Variants in GVQW3 observed in about 807,000 individuals in gnomAD.
GVQW3 encodes protein GVQW3.
A neutral mutation model predicts 12.5 loss-of-function variants in GVQW3; 7 were observed. That is an observed-to-expected ratio of 0.56 (90% confidence interval 0.32 to 1.05). GVQW3 has a LOEUF of 1.05. Among genes scored for constraint, GVQW3 ranks in the 50% least tolerant of loss-of-function variants. GVQW3 has a pLI of 0.04. For synonymous variants in GVQW3, 71 were observed against 67.2 expected (o/e 1.06, Z -0.28); for missense variants, 188 against 190.8 (o/e 0.99, Z 0.09).
chr11:76,400,102 A>G (rs919036903), intron 1 of GVQW3, among the ~76,000 whole-genome samples: 5 of 150,178 alleles, frequency 3.3e-5, no homozygotes, highest in Non-Finnish European at 7.4e-5. Flanking sequence ...ATAATGTTAA[A>G]TCTTTCTTTC....
Position 76,404,407 on chromosome 11 carries a change from A to G in GVQW3, c.*649A>G, listed in dbSNP as rs1232232485. ...CCAGGCATCTAAAAGGTAGCTCAGT[A>G]TCTCTGCCTTCTCTCCATTGTTAGC... is the stretch of plus-strand genomic sequence containing the variant. On this transcript the variant is annotated 3_prime_UTR_variant, in exon 2 of 2. Coordinates refer to ENST00000529331, the MANE Select transcript of GVQW3 (RefSeq NM_001347885.2). 4 of 160,422 alleles carry G rather than the reference A, an allele frequency of 2.5e-5. No homozygotes were observed. The highest frequency in any genetic ancestry group is 7.2e-5 in the African/African-American group (3 of 41,866). The allele number at this position is 160,422 out of a possible 1,614,324, so 9.9% of individuals were successfully genotyped here.
chr11:76,394,039 C>T (rs1946917714), intron 1 of GVQW3, among the ~76,000 whole-genome samples: 1 of 152,136 alleles, frequency 6.6e-6, no homozygotes, highest in Non-Finnish European at 1.5e-5. Context: ...GCTGGCATTA[C>T]AGGTGCACGC....
intron 1 of GVQW3, among the ~76,000 whole-genome samples, chr11:76,396,460 G>T (rs568880926): frequency 1.4e-4 from 22 of 152,182 alleles, no homozygotes; most frequent in African/African-American, 5.3e-4. Flanking sequence ...GACTGCAGGT[G>T]CCTGCCACCA....
At chr11:76,414,089 A>C (rs1369253328) in exon 2 of GVQW3, 2 of 152,068 alleles carry the variant, frequency 1.3e-5, no homozygotes, top group Non-Finnish European at 2.9e-5. Flanking sequence ...TCTCTGCTTT[A>C]TTTCTACCAT....
chr11:76,390,954 A>G (rs1343647003), intron 1 of GVQW3, among the ~76,000 whole-genome samples: 1 of 152,138 alleles, frequency 6.6e-6, no homozygotes, highest in African/African-American at 2.4e-5. Context: ...TACGTGCTCA[A>G]TAGAGAATAA....
In GVQW3 at chr11:76,403,756, T is replaced by C. The variant is rs996759445; in HGVS notation, c.562T>C (p.Ter188ArgextTer58). 1 of 532,530 alleles carries C rather than the reference T, an allele frequency of 1.9e-6. No individual in the cohort carries two copies. The highest frequency in any genetic ancestry group is 2.6e-5 in the South Asian group (1 of 39,214). The allele number at this position is 532,530 out of a possible 1,614,324, so 33.0% of individuals were successfully genotyped here. A position where few individuals can be genotyped will look rare whatever the true frequency, so the allele number is the denominator to read the frequency against. ...WPPKALGLSA[*>R] is the part of the protein sequence containing the mutation. ...TCCCAAAGCTCTGGGATTATCAGCA[T>C]GAGCCACCATGCCAAGCCAAAACCA... Residue 188 changes from the stop codon to arginine, a stop_lost, in exon 2 of 2, where the codon TGA becomes CGA. Transcript: ENST00000529331.
chr11:76,400,512 C>T (rs1481425220), intron 1 of GVQW3, among the ~76,000 whole-genome samples: 1 of 152,138 alleles, frequency 6.6e-6, no homozygotes, highest in African/African-American at 2.4e-5. Flanking sequence ...CCTCCGCCTC[C>T]TGGGTTCGAG....
intron 1 of GVQW3, among the ~76,000 whole-genome samples, chr11:76,402,423 C>T (rs1946998781): frequency 6.6e-6 from 1 of 151,458 alleles, no homozygotes; most frequent in Non-Finnish European, 1.5e-5. Flanking sequence ...TGTGGTGGTG[C>T]GTGCCTGTAA....
At chr11:76,391,059 C>T (rs1204821356) in intron 1 of GVQW3, among the ~76,000 whole-genome samples, 2 of 152,188 alleles carry the variant, frequency 1.3e-5, no homozygotes, top group Non-Finnish European at 2.9e-5. Flanking sequence ...GGCTTCCTAA[C>T]AGCTCCGGAA....
At chr11:76,400,139 T>G (rs59126372) in intron 1 of GVQW3, among the ~76,000 whole-genome samples, 5 of 151,766 alleles carry the variant, frequency 3.3e-5, no homozygotes, top group African/African-American at 1.2e-4. Context: ...TGAGATGGAG[T>G]TTCGCTCTTG....
chr11:76,394,114 G>A (rs1946918639), intron 1 of GVQW3, among the ~76,000 whole-genome samples: 1 of 152,142 alleles, frequency 6.6e-6, no homozygotes, highest in African/African-American at 2.4e-5. Flanking sequence ...GACCAGGCTG[G>A]TTTTGAACTT....
intron 1 of GVQW3, among the ~76,000 whole-genome samples, chr11:76,398,243 T>G (rs1230461602): frequency 6.6e-6 from 1 of 152,236 alleles, no homozygotes; most frequent in African/African-American, 2.4e-5. Context: ...GAGCTAGCTT[T>G]GGTGCCTCAC....
Position 76,384,667 on chromosome 11 carries a change from C to T in GVQW3, c.465+2374C>T, listed in dbSNP as rs150299370. Among the ~76,000 whole-genome samples, 55 of 152,284 alleles carry T rather than the reference C, an allele frequency of 3.6e-4. 2 individuals are homozygous for T. Among genetic ancestry groups the T allele is most frequent in the African/African-American group, 1.3e-3 (53 of 41,552 alleles). ...ACACCTTGAAAGCTAGACGTTGTCC[C>T]ACAAAGAGAAGATACTGTGTAAGAA... is the stretch of plus-strand genomic sequence containing the variant. On this transcript the variant is annotated intron_variant, in intron 1 of 1. Coordinates refer to ENST00000529331, the MANE Select transcript of GVQW3 (RefSeq NM_001347885.2).
chr11:76,412,891 C>G (rs919403978), downstream of GVQW3: 1 of 152,228 alleles, frequency 6.6e-6, no homozygotes, highest in East Asian at 1.9e-4. Flanking sequence ...TCCTTCCCCC[C>G]TCATCCAAAA....
chr11:76,390,137 C>G (rs1408593342), intron 1 of GVQW3: 2 of 152,124 alleles, frequency 1.3e-5, no homozygotes, highest in East Asian at 3.8e-4. Flanking sequence ...TGTTAAAGGT[C>G]TCCTCAGTGA....
At position 76,382,198 on chromosome 11, in the gene GVQW3, G is replaced by T. The variant is rs199638364; in HGVS notation, c.370G>T (p.Gly124Cys). The T allele has an allele frequency of 6.5e-7, 1 of 1,536,032 alleles. No individual in the cohort carries two copies. Among genetic ancestry groups the T allele is most frequent in the Admixed American group, 2.0e-5 (1 of 50,978 alleles). ...MRKISAKVIS[G>C]VLKGEPKPRK... ...GAAGATTTCTGCAAAAGTTATTTCGGGTGTTTTGAAGGGTGAGCCTAAACC... is the reference window on the plus strand; with the variant it reads ...GAAGATTTCTGCAAAAGTTATTTCGTGTGTTTTGAAGGGTGAGCCTAAACC... The change falls in exon 1 of 2, where the codon GGT becomes TGT. Residue 124 changes from glycine to cysteine, a missense_variant. Gly to Cys is a radical substitution (Grantham distance 159). Transcript: ENST00000529331.
chr11:76,400,605 G>C (rs1946980901), intron 1 of GVQW3, among the ~76,000 whole-genome samples: 1 of 151,144 alleles, frequency 6.6e-6, no homozygotes, highest in Admixed American at 6.6e-5. Flanking sequence ...ATTTTTAGTA[G>C]AGCCGGAGTT....
intron 1 of GVQW3, among the ~76,000 whole-genome samples, chr11:76,399,584 G>T (rs1165567936): frequency 6.6e-6 from 1 of 152,118 alleles, no homozygotes; most frequent in Non-Finnish European, 1.5e-5. Flanking sequence ...TGTCTGGGAG[G>T]GTGTTTCTGG....
At chr11:76,398,213 T>TA (rs1946957505) in intron 1 of GVQW3, among the ~76,000 whole-genome samples, 1 of 152,122 alleles carries the variant, frequency 6.6e-6, no homozygotes, top group South Asian at 2.1e-4. Flanking sequence ...GTTTTAGCAG[T>TA]CTGCTATCTG....
Sources: allele counts gnomAD v4.1 joint callset (sites outside exome capture counted in the v4.1 genomes callset), GRCh38; gene constraint gnomAD v4.1.1; transcripts MANE v1.5; gene names NCBI Gene and HGNC (gene_info 2026-07-23, HGNC 2026-07-21).